AUTS2: variants seen among roughly 807,000 people sequenced by gnomAD.
The protein encoded by AUTS2 is activator of transcription and developmental regulator AUTS2, also known as autism susceptibility gene 2 protein.
A neutral mutation model predicts 112.4 loss-of-function variants in AUTS2; 17 were observed. The ratio of observed to expected loss-of-function variants is 0.15; its 90% CI spans 0.10 to 0.23. The LOEUF (loss-of-function observed/expected upper bound fraction) is 0.23. AUTS2 is among the 10% of genes least tolerant of loss of function. The pLI is 1.00. For missense variants in AUTS2, 1,510 were observed against 1,701.6 expected, an observed-to-expected ratio of 0.89 and a Z score of 1.98; for synonymous variants, 751 against 702.7, an observed-to-expected ratio of 1.07 and a Z score of -1.09.
chr7:70,454,265 T>G (rs1796645418), intron 5 of AUTS2, among the ~76,000 whole-genome samples: 2 of 152,214 alleles, frequency 1.3e-5, no homozygotes, highest in South Asian at 4.1e-4. Context: ...CCAGGTGTGG[T>G]GTCTCACGCC....
intron 1 of AUTS2, among the ~76,000 whole-genome samples, chr7:69,672,643 C>T (rs1235000644): frequency 6.6e-6 from 1 of 152,178 alleles, no homozygotes; most frequent in Non-Finnish European, 1.5e-5. Flanking sequence ...AGGCAGTCTA[C>T]CACAAATACT....
intron 6 of AUTS2, among the ~76,000 whole-genome samples, chr7:70,705,453 T>C (rs1298098048): frequency 6.6e-6 from 1 of 152,212 alleles, no homozygotes; most frequent in Non-Finnish European, 1.5e-5. Context: ...GCCTGAACTT[T>C]TACTCAGCTG....
At chr7:70,608,200 C>T (rs1161173426) in intron 5 of AUTS2, among the ~76,000 whole-genome samples, 1 of 152,150 alleles carries the variant, frequency 6.6e-6, no homozygotes. Context: ...ACCTCCCAGG[C>T]TCAAGAGATC....
intron 5 of AUTS2, among the ~76,000 whole-genome samples, chr7:70,647,043 G>A (rs1006494103): frequency 2.0e-5 from 3 of 152,132 alleles, no homozygotes; most frequent in Admixed American, 2.0e-4. Flanking sequence ...CTCAGTCTTG[G>A]ACATTCTCCC....
At chr7:70,615,740 A>G (rs1804330614) in intron 5 of AUTS2, among the ~76,000 whole-genome samples, 1 of 152,130 alleles carries the variant, frequency 6.6e-6, no homozygotes, top group East Asian at 1.9e-4. Flanking sequence ...ACAGTGCAAA[A>G]CGGCAGTGTG....
At chr7:70,613,369 G>A (rs1804195551) in intron 5 of AUTS2, among the ~76,000 whole-genome samples, 1 of 152,112 alleles carries the variant, frequency 6.6e-6, no homozygotes, top group South Asian at 2.1e-4. Context: ...TGTTTTGCAA[G>A]TAATATTAGA....
At chr7:70,311,214 A>G (rs539333588) in intron 4 of AUTS2, among the ~76,000 whole-genome samples, 3 of 152,286 alleles carry the variant, frequency 2.0e-5, no homozygotes, top group Non-Finnish European at 2.9e-5. Context: ...GCAATGGTAC[A>G]TGCTGATCTT....
intron 5 of AUTS2, among the ~76,000 whole-genome samples, chr7:70,598,925 T>G (rs1803333497): frequency 6.6e-6 from 1 of 152,204 alleles, no homozygotes; most frequent in Non-Finnish European, 1.5e-5. Flanking sequence ...TCCAAACTCT[T>G]TATCAAATGA....
intron 5 of AUTS2, among the ~76,000 whole-genome samples, chr7:70,523,782 GA>G (rs1396788188): frequency 6.6e-6 from 1 of 152,200 alleles, no homozygotes; most frequent in Non-Finnish European, 1.5e-5. Flanking sequence ...CCCTTTGAGA[GA>G]CACCTGCCCA....
chr7:69,606,437 C>G (rs1291840924), intron 1 of AUTS2, among the ~76,000 whole-genome samples: 1 of 152,082 alleles, frequency 6.6e-6, no homozygotes, highest in Non-Finnish European at 1.5e-5. Flanking sequence ...GTGCACGCAC[C>G]TGTGTGCACG....
intron 5 of AUTS2, among the ~76,000 whole-genome samples, chr7:70,652,371 A>G (rs1050045746): frequency 2.0e-5 from 3 of 152,072 alleles, no homozygotes; most frequent in African/African-American, 7.2e-5. Flanking sequence ...GGGTTAGACA[A>G]TTTATGCCAT....
intron 13 of AUTS2, 114 bp from the exon 14 acceptor site, chr7:70,776,989 T>C: frequency 2.1e-6 from 2 of 941,482 alleles, no homozygotes; most frequent in Non-Finnish European, 3.4e-6. Flanking sequence ...CAAAGCACTC[T>C]TGTTTCACGA....
At chr7:70,627,719 C>A (rs936857901) in intron 5 of AUTS2, among the ~76,000 whole-genome samples, 1 of 152,196 alleles carries the variant, frequency 6.6e-6, no homozygotes, top group Non-Finnish European at 1.5e-5. Flanking sequence ...AGCAGGGATC[C>A]CACATGCAAT....
intron 5 of AUTS2, among the ~76,000 whole-genome samples, chr7:70,665,451 C>CTAT (rs1554455007): frequency 6.8e-6 from 1 of 147,016 alleles, no homozygotes; most frequent in Admixed American, 6.8e-5. Flanking sequence ...ATCTATTTAT[C>CTAT]TATTTATTTA....
At chr7:70,412,581 A>G (rs1274435569) in intron 4 of AUTS2, among the ~76,000 whole-genome samples, 2 of 152,224 alleles carry the variant, frequency 1.3e-5, no homozygotes, top group Admixed American at 6.5e-5. Context: ...CAGCTTTTTC[A>G]TGGTTTTAGA....
chr7:70,135,082 T>C (rs971325423), intron 4 of AUTS2, among the ~76,000 whole-genome samples: 3 of 152,216 alleles, frequency 2.0e-5, no homozygotes, highest in Non-Finnish European at 4.4e-5. Flanking sequence ...CAGCAATAAT[T>C]AATATACTTA....
intron 2 of AUTS2, among the ~76,000 whole-genome samples, chr7:70,036,038 G>C (rs568173713): frequency 8.5e-5 from 13 of 152,348 alleles, no homozygotes; most frequent in Non-Finnish European, 1.9e-4. Context: ...AGGACAGACT[G>C]CTTTGAATGG....
At position 70,553,961 on chromosome 7, in the gene AUTS2, G is replaced by A. The variant is rs191782638; in HGVS notation, c.690+118180G>A. 1.8e-3 allele frequency among the ~76,000 whole-genome samples: 265 copies of A among 150,216 alleles called. 1 individual carries two copies. The highest frequency in any genetic ancestry group is 6.2e-3 in the African/African-American group (253 of 40,814). ...TTTTTTTTGTATTTTTAGTAGAGAC[G>A]GTGTTTCACCACATTGGTCAGGCTG... On this transcript the variant is annotated intron_variant, in intron 5 of 18. Coordinates refer to ENST00000342771, the MANE Select transcript of AUTS2 (RefSeq NM_015570.4).
intron 4 of AUTS2, among the ~76,000 whole-genome samples, chr7:70,374,350 C>A (rs1792985077): frequency 6.6e-6 from 1 of 152,080 alleles, no homozygotes; most frequent in African/African-American, 2.4e-5. Flanking sequence ...ACCACAAAAC[C>A]TATCTATTAG....
Sources: allele counts gnomAD v4.1 joint callset (sites outside exome capture counted in the v4.1 genomes callset), GRCh38; gene constraint gnomAD v4.1.1; transcripts MANE v1.5; gene names NCBI Gene and HGNC (gene_info 2026-07-23, HGNC 2026-07-21).